Variants in TBC1D14 observed in about 807,000 individuals in gnomAD.
TBC1D14 encodes the protein TBC1 domain family member 14.
Under a neutral mutation model 79.0 loss-of-function variants are expected in TBC1D14, and 26 were observed. The observed-to-expected ratio is 0.33, with a 90% CI of 0.24 to 0.46. TBC1D14 has a LOEUF of 0.46. Among genes scored for constraint, TBC1D14 ranks in the 20% least tolerant of loss-of-function variants. The probability of loss-of-function intolerance (pLI) is 1.00; values close to 1 mark genes in which losing one functional copy is unlikely to be tolerated. For missense variants in TBC1D14, 769 were observed against 887.6 expected (o/e 0.87, Z 1.70); for synonymous variants, 394 against 349.9 (o/e 1.13, Z -1.40).
intron 3 of TBC1D14, chr4:6,987,440 G>A: frequency 8.2e-7 from 1 of 1,223,538 alleles, no homozygotes; most frequent in Non-Finnish European, 1.0e-6. Flanking sequence ...CCAGCCCTGC[G>A]GCCCCGCGCA....
chr4:7,011,600 A>C (rs1183029851), intron 11 of TBC1D14, among the ~76,000 whole-genome samples: 1 of 151,766 alleles, frequency 6.6e-6, no homozygotes, highest in East Asian at 1.9e-4. Context: ...TCTCTCACCC[A>C]GACTGGAGTG....
chr4:6,931,538 G>C (rs2108946644), intron 2 of TBC1D14, among the ~76,000 whole-genome samples: 1 of 152,304 alleles, frequency 6.6e-6, no homozygotes, highest in Non-Finnish European at 1.5e-5. Flanking sequence ...GTATGTGCTG[G>C]ACACACACAG....
intron 2 of TBC1D14, among the ~76,000 whole-genome samples, chr4:6,949,785 T>G (rs1713855215): frequency 2.0e-5 from 3 of 152,178 alleles, no homozygotes; most frequent in African/African-American, 7.2e-5. Context: ...TGTAAAGGTC[T>G]TATGTTTCTT....
In TBC1D14 at chr4:7,031,781, C is replaced by T. The variant is rs1337101286; in HGVS notation, c.*1389C>T. ...TCTGCACTCCACGGCCCTTCTCAGC[C>T]ACACTTCCCACCCCAGGGGGTGCCC... On this transcript the variant is annotated 3_prime_UTR_variant, in exon 14 of 14. Transcript: ENST00000409757. 6.6e-6 allele frequency: 1 copy of T among 152,450 alleles called. No homozygotes were observed. The highest frequency in any genetic ancestry group is 1.5e-5 in the Non-Finnish European group (1 of 68,244). 9.4% of individuals were successfully genotyped at this position (152,450 alleles called of 1,614,324 possible). A position where few individuals can be genotyped will look rare whatever the true frequency, so the allele number is the denominator to read the frequency against.
At chr4:6,992,735 T>C (rs1489094693) in intron 3 of TBC1D14, among the ~76,000 whole-genome samples, 2 of 152,248 alleles carry the variant, frequency 1.3e-5, no homozygotes, top group East Asian at 3.8e-4. Flanking sequence ...GGTGCTAGAC[T>C]TGAAGCTTCA....
chr4:7,019,638 G>A (rs12650264), intron 12 of TBC1D14, among the ~76,000 whole-genome samples: 69,991 of 152,034 alleles, frequency 0.46, 16,316 homozygotes, highest in East Asian at 0.6. Flanking sequence ...TGCTCATGAT[G>A]TTTACTTTCA....
intron 3 of TBC1D14, among the ~76,000 whole-genome samples, chr4:6,981,670 CA>C (rs1172624610): frequency 2.0e-5 from 3 of 152,192 alleles, no homozygotes; most frequent in Non-Finnish European, 4.4e-5. Flanking sequence ...TAAAAAGTTA[CA>C]ACCATGACAA....
chr4:6,949,864 G>A (rs774066204), intron 2 of TBC1D14, among the ~76,000 whole-genome samples: 8 of 151,820 alleles, frequency 5.3e-5, no homozygotes, highest in Non-Finnish European at 1.0e-4. Context: ...GAGTTGACTC[G>A]TTGGGTAGTG....
chr4:6,987,092 G>T, intron 3 of TBC1D14: 28 of 654,808 alleles, frequency 4.3e-5, no homozygotes, highest in East Asian at 9.3e-5. Context: ...CGCCCCTTGT[G>T]CCCGCCCCTC....
At chr4:6,914,730 C>T (rs1270936668) in intron 1 of TBC1D14, among the ~76,000 whole-genome samples, 1 of 152,098 alleles carries the variant, frequency 6.6e-6, no homozygotes, top group East Asian at 1.9e-4. Context: ...TCTGCCTGAG[C>T]CAGGACTTGA....
At chr4:6,977,674 AGG>A (rs1266890873) in intron 3 of TBC1D14, among the ~76,000 whole-genome samples, 1 of 138,560 alleles carries the variant, frequency 7.2e-6, no homozygotes, top group Non-Finnish European at 1.6e-5. Flanking sequence ...CTAGGAAGTG[AGG>A]AGCGTCTCTG....
intron 9 of TBC1D14, 63 bp downstream of exon 9, chr4:7,006,789 G>C (rs762825660): frequency 1.4e-6 from 2 of 1,477,264 alleles, no homozygotes; most frequent in Admixed American, 1.9e-5. Context: ...ATGCTGAACT[G>C]TGTATATTTG....
chr4:7,023,613 G>A (rs1473854819), intron 12 of TBC1D14, among the ~76,000 whole-genome samples: 2 of 152,228 alleles, frequency 1.3e-5, no homozygotes, highest in Non-Finnish European at 2.9e-5. Flanking sequence ...AGCCTGCGAC[G>A]GTGCTGCTGC....
chr4:6,981,520 C>A (rs770875622), intron 3 of TBC1D14, among the ~76,000 whole-genome samples: 22 of 152,170 alleles, frequency 1.4e-4, no homozygotes, highest in Non-Finnish European at 1.5e-5. Context: ...CGTACTTCCT[C>A]ACTCATTTTA....
chr4:6,998,883 A>T, intron 5 of TBC1D14: 2 of 557,672 alleles, frequency 3.6e-6, no homozygotes, highest in South Asian at 4.1e-5. Context: ...TCTAGATGTT[A>T]GACTTTGCAA....
At chr4:6,909,691 C>CGGCACGGGCGGAAGAACG (rs1722802235), upstream of TBC1D14, among the ~76,000 whole-genome samples, 1 of 150,542 alleles carries the variant, frequency 6.6e-6, no homozygotes, top group East Asian at 1.9e-4. Context: ...CCAGACGCGG[C>CGGCACGGGCGGAAGAACG]GGCACGGGCG....
intron 1 of TBC1D14, among the ~76,000 whole-genome samples, chr4:6,913,075 A>C (rs1723133072): frequency 6.8e-6 from 1 of 148,142 alleles, no homozygotes; most frequent in Non-Finnish European, 1.5e-5. Flanking sequence ...GGCTCACTGC[A>C]ACCTTTGTCT....
chr4:6,912,024 A>T (rs373151633), intron 1 of TBC1D14, among the ~76,000 whole-genome samples: 14 of 152,226 alleles, frequency 9.2e-5, no homozygotes, highest in East Asian at 7.7e-4. Flanking sequence ...GGCTCAAGCG[A>T]TTCTCCCGAG....
At chr4:6,973,067 C>T (rs928422715) in intron 3 of TBC1D14, among the ~76,000 whole-genome samples, 2 of 152,172 alleles carry the variant, frequency 1.3e-5, no homozygotes, top group Non-Finnish European at 2.9e-5. Flanking sequence ...GGAAAGATAG[C>T]CGCAGGGAGG....
Sources: gnomAD v4.1 joint callset for allele counts (sites outside exome capture counted in the v4.1 genomes callset) on GRCh38, gnomAD v4.1.1 for gene constraint, MANE v1.5 for transcripts, NCBI Gene and HGNC (gene_info 2026-07-23, HGNC 2026-07-21) for gene names.